SNORC: variants seen among roughly 807,000 people sequenced by gnomAD.
SNORC encodes the protein protein SNORC.
A neutral mutation model predicts 9.7 loss-of-function variants in SNORC; 11 were observed. The ratio of observed to expected loss-of-function variants is 1.14; its 90% confidence interval spans 0.72 to 1.88. SNORC has a LOEUF of 1.88. SNORC is among the 40% of genes most tolerant of loss of function. The pLI, the probability that SNORC is intolerant of heterozygous loss-of-function variation, is 0.00. For missense variants in SNORC, 197 were observed against 173.1 expected (o/e 1.14, Z -0.77); for synonymous variants, 108 against 88.7 (o/e 1.22, Z -1.22).
At chr2:232,872,614 C>T (rs1452916427) in intron 1 of SNORC, among the ~76,000 whole-genome samples, 2 of 152,162 alleles carry the variant, frequency 1.3e-5, no homozygotes, top group African/African-American at 4.8e-5. Flanking sequence ...GTCCTCCGTG[C>T]CCCCACCTCT....
At chr2:232,878,449 C>G (rs914429671), downstream of SNORC, 1 of 155,156 alleles carries the variant, frequency 6.4e-6, no homozygotes, top group African/African-American at 2.4e-5. Context: ...ATTTCCACTG[C>G]AGCAGAGGGG....
downstream of SNORC, chr2:232,877,714 A>AGTCT (rs1691330587): frequency 6.6e-6 from 1 of 152,198 alleles, no homozygotes; most frequent in South Asian, 2.1e-4. Context: ...GCCTCATCCA[A>AGTCT]GTCTGTTAAC....
chr2:232,876,376 C>A lies in SNORC; in HGVS notation c.*20C>A. ...TCCTGAAGCGAATAAAGGGGCCGCG[C>A]CCGGCCGCGGCGCGACTCGGCTGCA... On this transcript the variant is annotated 3_prime_UTR_variant, in exon 3 of 3. Coordinates refer to ENST00000331342, the Ensembl canonical transcript of SNORC. The surrounding 1 kb of genome is among the most constrained non-coding windows in gnomAD (Gnocchi z 6.8). 6.6e-7 allele frequency: 1 copy of A among 1,516,206 alleles called. No homozygotes were observed. The highest frequency in any genetic ancestry group is 1.2e-5 in the South Asian group (1 of 82,546). The allele number at this position is 1,516,206 out of a possible 1,614,324, so 93.9% of individuals were successfully genotyped here. A position where few individuals can be genotyped will look rare whatever the true frequency, so the allele number is the denominator to read the frequency against.
At chr2:232,875,420 G>T in intron 1 of SNORC, 1 of 340,946 alleles carries the variant, frequency 2.9e-6, no homozygotes, top group Admixed American at 3.6e-5. Flanking sequence ...TGGCTGGGCT[G>T]GAGAGGCCAA....
intron 1 of SNORC, among the ~76,000 whole-genome samples, chr2:232,871,511 G>C (rs1380290330): frequency 6.6e-6 from 1 of 152,192 alleles, no homozygotes; most frequent in Admixed American, 6.5e-5. Flanking sequence ...GGAGCTTTTG[G>C]GATGGGCCCC....
At chr2:232,875,318 G>A (rs1691182543) in intron 1 of SNORC, 1 of 180,172 alleles carries the variant, frequency 5.6e-6, no homozygotes, top group Non-Finnish European at 1.3e-5. Context: ...ACTCCAGCCT[G>A]GGCACAGAGC....
At chr2:232,877,313 TGAG>T (rs1691310315), downstream of SNORC, 6 of 985,294 alleles carry the variant, frequency 6.1e-6, no homozygotes, top group Non-Finnish European at 7.2e-6. Context: ...GGAGTGAGGG[TGAG>T]GAGCCTGGTC....
rs759510202 is a variant in SNORC at position 232,870,422 on chromosome 2, G to A, written c.73+8G>A. On this transcript the variant is annotated splice_region_variant and intron_variant, in intron 1 of 2. Coordinates refer to ENST00000331342, the Ensembl canonical transcript of SNORC. ...CCCCTGCGGTGCTCACAGGTAAGAG[G>A]TGAAGGCCCTTGTCTCAGCCACCAC... The A allele has an allele frequency of 3.8e-6, 6 of 1,565,396 alleles. No individual in the cohort carries two copies. In the Middle Eastern group the frequency reaches 5.0e-4, roughly 130 times the overall value.
chr2:232,873,228 T>A (rs1298629676), intron 1 of SNORC, among the ~76,000 whole-genome samples: 67 of 152,202 alleles, frequency 4.4e-4, no homozygotes, highest in Non-Finnish European at 7.4e-5. Context: ...GATTGGGGCA[T>A]GGAGCAAGGA....
chr2:232,876,352 C>T lies in SNORC; in HGVS notation c.362C>T (p.Ser121Phe). 6.5e-7 allele frequency: 1 copy of T among 1,537,914 alleles called. No homozygotes were observed. Residue 121 changes from serine (S) to phenylalanine (F), a missense_variant, in exon 3 of 3, where the codon TCC becomes TTC. By Grantham distance (155) the Ser-to-Phe change is radical. Transcript: ENST00000331342. This position sits in a 1 kb window ranked among gnomAD's most constrained non-coding sequence, Gnocchi z 6.8. ...GTCGCGCTGAGAAAGTTTTCTGCCT[C>T]CTGAAGCGAATAAAGGGGCCGCGCC...
At chr2:232,871,940 G>A (rs1691040029) in intron 1 of SNORC, among the ~76,000 whole-genome samples, 1 of 152,184 alleles carries the variant, frequency 6.6e-6, no homozygotes, top group South Asian at 2.1e-4. Flanking sequence ...CCTAATCATT[G>A]TAGGCGGGTG....
At chr2:232,871,097 G>T (rs1691009793) in intron 1 of SNORC, among the ~76,000 whole-genome samples, 1 of 152,214 alleles carries the variant, frequency 6.6e-6, no homozygotes, top group Non-Finnish European at 1.5e-5. Flanking sequence ...GGTGGTCTTT[G>T]CTCCTTTTGG....
chr2:232,877,446 G>A (rs945911520), downstream of SNORC: 43 of 813,748 alleles, frequency 5.3e-5, no homozygotes, highest in Admixed American at 5.0e-4. Context: ...GGCCTTTGGA[G>A]GGAAGGGTTG....
chr2:232,875,924 C>A lies in SNORC; in HGVS notation c.74-16C>A. On this transcript the variant is annotated splice_polypyrimidine_tract_variant and intron_variant, in intron 1 of 2. Coordinates refer to ENST00000331342, the Ensembl canonical transcript of SNORC. ...CCCGTCACCTGGGGCCCCAGCACCT[C>A]TCCTTGGCTTTGCAGACGATGTTCC... The A allele has an allele frequency of 6.5e-7, 1 of 1,545,152 alleles. No individual in the cohort carries two copies. The highest frequency in any genetic ancestry group is 8.7e-7 in the Non-Finnish European group (1 of 1,146,578).
intron 1 of SNORC, among the ~76,000 whole-genome samples, chr2:232,873,321 AG>A (rs147624279): frequency 0.086 from 13,130 of 152,050 alleles, 755 homozygotes; most frequent in South Asian, 0.24. Context: ...AGGCCAGGGC[AG>A]GTATGTCTGG....
upstream of SNORC, chr2:232,870,141 C>G (rs1285376752): frequency 3.4e-6 from 2 of 586,354 alleles, no homozygotes; most frequent in Non-Finnish European, 5.9e-6. Context: ...GAAAGCAGGT[C>G]TGTTCTGTGA....
upstream of SNORC, among the ~76,000 whole-genome samples, chr2:232,867,321 T>C (rs774214492): frequency 6.6e-6 from 1 of 152,222 alleles, no homozygotes; most frequent in Non-Finnish European, 1.5e-5. Context: ...TGCTAACCCA[T>C]ACCAAGAGAG....
exon 1 of SNORC, chr2:232,870,352 G>C (rs1450432785): frequency 6.4e-7 from 1 of 1,561,602 alleles, no homozygotes; most frequent in South Asian, 1.2e-5. Flanking sequence ...ATGGCATCCT[G>C]TCTGGCCCTG....
intron 1 of SNORC, 54 bp from the exon 2 acceptor site, chr2:232,875,886 C>T: frequency 2.0e-6 from 3 of 1,500,116 alleles, no homozygotes; most frequent in East Asian, 2.5e-5. Flanking sequence ...TGGGGGGTGA[C>T]GTCCCTGTCG....
Sources: allele counts gnomAD v4.1 joint callset (sites outside exome capture counted in the v4.1 genomes callset), GRCh38; gene constraint gnomAD v4.1.1; non-coding constraint Gnocchi (gnomAD v3.1); transcripts MANE v1.5; gene names NCBI Gene and HGNC (gene_info 2026-07-23, HGNC 2026-07-21).